GABRB1: variants seen among roughly 807,000 people sequenced by gnomAD.
GABRB1 encodes gamma-aminobutyric acid receptor subunit beta-1.
GABRB1 carries 17 observed loss-of-function variants against 51.6 expected under a neutral mutation model. The ratio of observed to expected loss-of-function variants is 0.33; its 90% CI spans 0.23 to 0.49. The LOEUF is 0.49. Among genes scored for constraint, GABRB1 ranks in the 20% least tolerant of loss-of-function variants. The pLI is 0.99. For missense variants in GABRB1, 410 were observed against 600.6 expected, an observed-to-expected ratio of 0.68 and a Z score of 3.32; for synonymous variants, 247 against 218.9, an observed-to-expected ratio of 1.13 and a Z score of -1.14.
At chr4:47,216,077 T>C (rs1039040582) in intron 4 of GABRB1, among the ~76,000 whole-genome samples, 5 of 151,944 alleles carry the variant, frequency 3.3e-5, no homozygotes, top group African/African-American at 1.2e-4. Context: ...TAAAAATGAG[T>C]AATAAATAGG....
chr4:47,143,676 A>G (rs1438638538), intron 3 of GABRB1, among the ~76,000 whole-genome samples: 1 of 151,912 alleles, frequency 6.6e-6, no homozygotes. Context: ...GTATTTGCAT[A>G]TTCAAAAATA....
intron 3 of GABRB1, among the ~76,000 whole-genome samples, chr4:47,082,375 CTCTT>C (rs1416985265): frequency 1.3e-5 from 2 of 152,060 alleles, no homozygotes; most frequent in Admixed American, 6.6e-5. Context: ...CTGACCTGCT[CTCTT>C]TGAGAAAATC....
intron 8 of GABRB1, among the ~76,000 whole-genome samples, chr4:47,416,780 G>A (rs1455647999): frequency 1.3e-5 from 2 of 151,726 alleles, no homozygotes; most frequent in Admixed American, 6.6e-5. Flanking sequence ...TCTTTGAGAT[G>A]GAGTCTCACT....
chr4:47,170,618 G>A (rs925179137), intron 4 of GABRB1, among the ~76,000 whole-genome samples: 2 of 152,226 alleles, frequency 1.3e-5, no homozygotes, highest in Non-Finnish European at 1.5e-5. Context: ...GATATGCTAG[G>A]TAAAAATACT....
At position 47,072,012 on chromosome 4, in the gene GABRB1, G is replaced by C. The variant is rs1387606932; in HGVS notation, c.240+39528G>C. 3.4e-5 allele frequency among the ~76,000 whole-genome samples: 5 copies of C among 147,972 alleles called. No individual in the cohort carries two copies. In the Admixed American group the frequency reaches 3.4e-4, roughly 10 times the overall value. Reference sequence around the variant, plus strand: ...CTCTATGATTTACAGAGGAAATGAAGTCATTGTAATCTCTTAGTCATCAGT... The same window carrying C: ...CTCTATGATTTACAGAGGAAATGAACTCATTGTAATCTCTTAGTCATCAGT... On this transcript the variant is annotated intron_variant, in intron 3 of 8. Coordinates refer to ENST00000295454, the MANE Select transcript of GABRB1 (RefSeq NM_000812.4).
chr4:47,338,296 A>T (rs917225256), intron 5 of GABRB1, among the ~76,000 whole-genome samples: 1 of 152,134 alleles, frequency 6.6e-6, no homozygotes, highest in African/African-American at 2.4e-5. Flanking sequence ...GCAAGTGTTC[A>T]TTGTGCACAT....
chr4:47,202,330 C>A (rs1181354578), intron 4 of GABRB1, among the ~76,000 whole-genome samples: 3 of 152,104 alleles, frequency 2.0e-5, no homozygotes, highest in Non-Finnish European at 2.9e-5. Context: ...TGAGGCCTCC[C>A]CAGCCATGCT....
At chr4:47,307,749 A>T (rs1724521823) in intron 4 of GABRB1, among the ~76,000 whole-genome samples, 1 of 152,018 alleles carries the variant, frequency 6.6e-6, no homozygotes, top group South Asian at 2.1e-4. Flanking sequence ...TCTTTTAGTC[A>T]TAAGTTGATA....
chr4:47,321,221 T>G (rs972231230), intron 5 of GABRB1, among the ~76,000 whole-genome samples: 1 of 152,120 alleles, frequency 6.6e-6, no homozygotes, highest in African/African-American at 2.4e-5. Flanking sequence ...ATTTAGATAG[T>G]CTAAAATACT....
intron 4 of GABRB1, among the ~76,000 whole-genome samples, chr4:47,260,154 C>CT (rs1349551036): frequency 6.6e-6 from 1 of 151,848 alleles, no homozygotes; most frequent in Non-Finnish European, 1.5e-5. Flanking sequence ...CAACCCCTAC[C>CT]TTTTTTTTGT....
intron 5 of GABRB1, among the ~76,000 whole-genome samples, chr4:47,324,298 G>A (rs1045969029): frequency 3.3e-5 from 5 of 152,064 alleles, no homozygotes; most frequent in Non-Finnish European, 7.4e-5. Context: ...GCTGTGCTTA[G>A]AATTCCATCT....
At chr4:47,245,708 A>G (rs1721711678) in intron 4 of GABRB1, among the ~76,000 whole-genome samples, 1 of 152,074 alleles carries the variant, frequency 6.6e-6, no homozygotes, top group South Asian at 2.1e-4. Context: ...CATTATTCCT[A>G]AAGAGTTAGA....
chr4:47,281,683 GTATATA>G (rs1723299475), intron 4 of GABRB1, among the ~76,000 whole-genome samples: 2 of 152,142 alleles, frequency 1.3e-5, no homozygotes, highest in South Asian at 4.1e-4. Context: ...ACAAAAGGTG[GTATATA>G]TACACAATGG....
chr4:47,004,905 C>T (rs901261440), intron 1 of GABRB1, among the ~76,000 whole-genome samples: 1 of 151,956 alleles, frequency 6.6e-6, no homozygotes, highest in Non-Finnish European at 1.5e-5. Context: ...TTTGTGTTTC[C>T]TCGAAGGTCA....
At chr4:47,371,906 A>T (rs1207400704) in intron 5 of GABRB1, among the ~76,000 whole-genome samples, 1 of 152,000 alleles carries the variant, frequency 6.6e-6, no homozygotes, top group Non-Finnish European at 1.5e-5. Flanking sequence ...TATTCTGTTG[A>T]TTATTTATTT....
intron 3 of GABRB1, among the ~76,000 whole-genome samples, chr4:47,132,532 C>T (rs1290184809): frequency 1.3e-5 from 2 of 151,996 alleles, no homozygotes; most frequent in Non-Finnish European, 2.9e-5. Flanking sequence ...AAGATGGCAC[C>T]TGAGTCCACT....
chr4:47,355,046 C>A (rs372359640), intron 5 of GABRB1, among the ~76,000 whole-genome samples: 2 of 130,260 alleles, frequency 1.5e-5, no homozygotes, highest in African/African-American at 6.0e-5. Context: ...AGTGCAGTGG[C>A]GCGATCTTGG....
chr4:47,087,273 G>T (rs551693637), intron 3 of GABRB1, among the ~76,000 whole-genome samples: 1 of 81,282 alleles, frequency 1.2e-5, no homozygotes, highest in Non-Finnish European at 2.6e-5. Flanking sequence ...AAATACGGTA[G>T]CATTAATTTT....
At chr4:47,234,588 T>A (rs973930331) in intron 4 of GABRB1, among the ~76,000 whole-genome samples, 1 of 152,180 alleles carries the variant, frequency 6.6e-6, no homozygotes. Flanking sequence ...CCCCATTTTC[T>A]ACTTCGTTTA....
Sources: gnomAD v4.1 joint callset for allele counts (sites outside exome capture counted in the v4.1 genomes callset) on GRCh38, gnomAD v4.1.1 for gene constraint, MANE v1.5 for transcripts, NCBI Gene and HGNC (gene_info 2026-07-23, HGNC 2026-07-21) for gene names.